Variants in CHADL observed in about 807,000 individuals in gnomAD.
CHADL encodes chondroadherin-like protein.
CHADL carries 48 observed loss-of-function variants against 52.1 expected under a neutral mutation model. The observed-to-expected ratio is 0.92, with a 90% CI of 0.73 to 1.17. The LOEUF (loss-of-function observed/expected upper bound fraction) is 1.17. Ranked by LOEUF, CHADL falls within the 50% of genes most tolerant of loss-of-function variation. CHADL has a pLI of 0.00. For synonymous variants in CHADL, 498 were observed against 511.2 expected, an observed-to-expected ratio of 0.97 and a Z score of 0.35; for missense variants, 977 against 1,035.1, an observed-to-expected ratio of 0.94 and a Z score of 0.77.
intron 5 of CHADL, among the ~76,000 whole-genome samples, chr22:41,233,690 C>G (rs1434860778): frequency 1.3e-5 from 2 of 152,208 alleles, no homozygotes; most frequent in African/African-American, 2.4e-5. Context: ...ACCTCAACGG[C>G]TGACCCCTAG....
Position 41,237,320 on chromosome 22 carries a change from C to G in CHADL, c.1752G>C (p.Val584=), listed in dbSNP as rs1569159118. ...GCAGCCCCTCCAAGGCCCCAGTGGGCACCTCTCGCAGCTGATTCCTGTCCA... is the reference window on the plus strand; with the variant it reads ...GCAGCCCCTCCAAGGCCCCAGTGGGGACCTCTCGCAGCTGATTCCTGTCCA... The part of the protein sequence containing the change: ...LHLDRNQLRE[V]PTGALEGLPA... The change falls in exon 3 of 6, where the codon GTG becomes GTC. Residue 584 remains valine (V), a synonymous_variant. Transcript: ENST00000216241. 1 of 1,550,552 alleles carries G rather than the reference C, an allele frequency of 6.4e-7. No homozygotes were observed. The highest frequency in any genetic ancestry group is 1.4e-5 in the African/African-American group (1 of 73,066).
Position 41,229,618 on chromosome 22 carries a change from G to GT in CHADL, c.*85dup, listed in dbSNP as rs1433714573. The GT allele has an allele frequency of 6.2e-7, 1 of 1,613,922 alleles. No individual in the cohort carries two copies. Among genetic ancestry groups the GT allele is most frequent in the African/African-American group, 1.3e-5 (1 of 75,054 alleles). On this transcript the variant is annotated 3_prime_UTR_variant, in exon 6 of 6. Transcript: ENST00000216241. ...CCCCTGCTGGAGGACGACCCTCAGG[G>GT]TGCCAGGAAGATCTCGTCGGAGCCT... is the stretch of plus-strand genomic sequence containing the variant.
At position 41,239,584 on chromosome 22, in the gene CHADL, C is replaced by T. The variant is rs1044719950; in HGVS notation, c.45G>A (p.Pro15=). Reference sequence around the variant, plus strand: ...GGGCCAGCAGCAGAAGTACAAGAAGCGGCAGCACCAAGGGGACATGGGTGG... The same window carrying T: ...GGGCCAGCAGCAGAAGTACAAGAAGTGGCAGCACCAAGGGGACATGGGTGG... The part of the protein sequence containing the change: ...RSSTHVPLVL[P]LLVLLLLAPA... The change falls in exon 2 of 6, where the codon CCG becomes CCA. Residue 15 remains proline (P), a synonymous_variant. Transcript: ENST00000216241. The T allele has an allele frequency of 1.2e-5, 18 of 1,546,092 alleles. No homozygotes were observed. The highest frequency in any genetic ancestry group is 4.1e-5 in the African/African-American group (3 of 72,816).
At chr22:41,233,951 C>T (rs1225840387) in intron 5 of CHADL, among the ~76,000 whole-genome samples, 2 of 152,154 alleles carry the variant, frequency 1.3e-5, no homozygotes, top group African/African-American at 4.8e-5. Flanking sequence ...TACGGGGGTG[C>T]CTGTATCTTG....
Position 41,238,490 on chromosome 22 carries a change from G to A in CHADL, c.582C>T (p.Leu194=). Residue 194 remains leucine (L), a synonymous_variant, in exon 3 of 6, where the codon CTC becomes CTT. Transcript: ENST00000216241. This position sits in a 1 kb window ranked among gnomAD's most constrained non-coding sequence, Gnocchi z 4.9. ...VRWLRLSHNA[L]SVLAPEALAG... ...CCAGGGCCTCGGGGGCCAGCACGCT[G>A]AGCGCGTTGTGCGACAGCCGCAGCC... 1 of 1,537,590 alleles carries A rather than the reference G, an allele frequency of 6.5e-7. No homozygotes were observed. The highest frequency in any genetic ancestry group is 8.7e-7 in the Non-Finnish European group (1 of 1,143,552).
At position 41,230,371 on chromosome 22, in the gene CHADL, C is replaced by T. The variant is rs73176646; in HGVS notation, c.2263-641G>A. On this transcript the variant is annotated intron_variant, in intron 5 of 5. Coordinates refer to ENST00000216241, the MANE Select transcript of CHADL (RefSeq NM_138481.2). ...TGATCCTCTCTGTGTAAATTCTGCC[C>T]GGTGCTGTGAAGGCTGGACGGTGGA... is the stretch of plus-strand genomic sequence containing the variant. 6.7e-3 allele frequency: 5,098 copies of T among 757,574 alleles called. 45 individuals carry two copies. The highest frequency in any genetic ancestry group is 9.6e-3 in the Non-Finnish European group (4,271 of 447,140). 46.9% of individuals were successfully genotyped at this position (757,574 alleles called of 1,614,324 possible). A position where few individuals can be genotyped will look rare whatever the true frequency, so the allele number is the denominator to read the frequency against.
chr22:41,238,759 C>A lies in CHADL; in HGVS notation c.313G>T (p.Ala105Ser). The A allele has an allele frequency of 1.9e-6, 3 of 1,549,128 alleles. No homozygotes were observed. The highest frequency in any genetic ancestry group is 2.6e-6 in the Non-Finnish European group (3 of 1,146,746). ...AGCAGGCGGCCCAGGCCACGGAAGG[C>A]GCCCTCGGCCACCAGCTCCACCTCG... Reference protein sequence around the residue: ...HCEVELVAEGAFRGLGRLLLL... With the variant: ...HCEVELVAEGSFRGLGRLLLL... Residue 105 changes from alanine to serine, a missense_variant, in exon 3 of 6, where the codon GCC (alanine) becomes TCC (serine). Transcript: ENST00000216241. The surrounding 1 kb of genome is among the most constrained non-coding windows in gnomAD (Gnocchi z 4.9).
intron 5 of CHADL, chr22:41,230,092 C>CCCCCCAA: frequency 1.0e-6 from 1 of 969,176 alleles, no homozygotes; most frequent in Non-Finnish European, 1.6e-6. Context: ...CCCACCCCTC[C>CCCCCCAA]CAGAGTTATT....
intron 5 of CHADL, chr22:41,230,124 C>G: frequency 5.2e-6 from 7 of 1,345,606 alleles, no homozygotes; most frequent in Non-Finnish European, 7.5e-6. Context: ...CCACCCGCCT[C>G]CCCTCCCTCT....
In CHADL at chr22:41,237,883, G is replaced by A. The variant is rs1190365900; in HGVS notation, c.1189C>T (p.Pro397Ser). The change falls in exon 3 of 6, where the codon CCT becomes TCT. Residue 397 changes from proline (P) to serine (S), a missense_variant. Physicochemically the swap from Pro to Ser is moderately conservative, Grantham distance 74 (BLOSUM62 -1). Coordinates refer to ENST00000216241, the MANE Select transcript of CHADL (RefSeq NM_138481.2). ...PGEERAVAPCPRACVCVPESR... is the reference protein window; with the variant it reads ...PGEERAVAPCSRACVCVPESR... The stretch of plus-strand genomic sequence containing the variant: ...TCGGGGACGCACACGCAGGCGCGAG[G>A]GCAAGGCGCGACTGCCCGCTCCTCC... 3 of 1,359,908 alleles carry A rather than the reference G, an allele frequency of 2.2e-6. No homozygotes were observed. The highest frequency in any genetic ancestry group is 2.8e-6 in the Non-Finnish European group (3 of 1,060,546). 84.2% of individuals were successfully genotyped at this position (1,359,908 alleles called of 1,614,324 possible).
intron 5 of CHADL, among the ~76,000 whole-genome samples, chr22:41,234,395 A>ATT (rs1555923443): frequency 1.3e-5 from 2 of 149,004 alleles, no homozygotes; most frequent in African/African-American, 4.9e-5. Flanking sequence ...TATTATTATT[A>ATT]TTATTGAGAC....
chr22:41,231,571 A>G (rs151067028), intron 5 of CHADL, among the ~76,000 whole-genome samples: 1 of 152,260 alleles, frequency 6.6e-6, no homozygotes, highest in Non-Finnish European at 1.5e-5. Flanking sequence ...GAATGTGCGC[A>G]TGACCACGTG....
intron 5 of CHADL, chr22:41,230,293 C>T (rs761614679): frequency 1.4e-5 from 20 of 1,442,408 alleles, no homozygotes; most frequent in Non-Finnish European, 1.8e-5. Context: ...GAAGCCAGCC[C>T]AGCGTTTCTC....
intron 5 of CHADL, among the ~76,000 whole-genome samples, chr22:41,231,889 A>G (rs2032602535): frequency 6.6e-6 from 1 of 152,130 alleles, no homozygotes; most frequent in South Asian, 2.1e-4. Flanking sequence ...AGGGAAAGGG[A>G]TGCAAGGGAA....
chr22:41,235,591 A>G (rs1034056881), intron 4 of CHADL, among the ~76,000 whole-genome samples: 6 of 152,206 alleles, frequency 3.9e-5, no homozygotes, highest in Admixed American at 2.6e-4. Flanking sequence ...CGGCTCACCA[A>G]TTATGTGACC....
In CHADL at chr22:41,238,044, CG is replaced by C; in HGVS notation, c.1027del (p.Arg343GlyfsTer90). ...DGACQGPRRL[R>X]GEALDALRPW... Reference sequence around the variant, plus strand: ...CCGCAGGGCGTCCAGAGCCTCGCCCCGCAGGCGCCGCGGCCCCTGGCACGCG... The same window carrying C: ...CCGCAGGGCGTCCAGAGCCTCGCCCCCAGGCGCCGCGGCCCCTGGCACGCG... On this transcript the variant is annotated frameshift_variant, in exon 3 of 6. Transcript: ENST00000216241. LOFTEE classifies it high-confidence loss of function. This position sits in a 1 kb window ranked among gnomAD's most constrained non-coding sequence, Gnocchi z 4.9. The C allele has an allele frequency of 7.9e-7, 1 of 1,273,216 alleles. No homozygotes were observed. Among genetic ancestry groups the C allele is most frequent in the Non-Finnish European group, 9.8e-7 (1 of 1,017,014 alleles). 78.9% of individuals were successfully genotyped at this position (1,273,216 alleles called of 1,614,324 possible).
intron 5 of CHADL, among the ~76,000 whole-genome samples, chr22:41,232,367 G>A (rs996315148): frequency 5.9e-5 from 9 of 151,938 alleles, no homozygotes; most frequent in Admixed American, 3.3e-4. Context: ...TGTAAAGGAT[G>A]GCAGTGGGGT....
At chr22:41,235,103 C>T (rs890125782) in intron 5 of CHADL, 42 bp downstream of exon 5, 1 of 1,540,098 alleles carries the variant, frequency 6.5e-7, no homozygotes, top group African/African-American at 1.4e-5. Context: ...GAACCTGGCC[C>T]ACCACCCACC....
chr22:41,230,078 C>CA lies in CHADL; in HGVS notation c.2263-349_2263-348insT. ...AGCCAGGTCCCTTTCCCAGCTCCTC[C>CA]GCCCCCACCCCTCCCAGAGTTATTT... On this transcript the variant is annotated intron_variant, in intron 5 of 5. Coordinates refer to ENST00000216241, the MANE Select transcript of CHADL (RefSeq NM_138481.2). 3.7e-6 allele frequency: 3 copies of CA among 821,650 alleles called. 1 individual carries two copies. The South Asian group carries it at 5.2e-5, about 14-fold the overall frequency. 50.9% of individuals were successfully genotyped at this position (821,650 alleles called of 1,614,324 possible). A position where few individuals can be genotyped will look rare whatever the true frequency, so the allele number is the denominator to read the frequency against.
Sources: gnomAD v4.1 joint callset for allele counts (sites outside exome capture counted in the v4.1 genomes callset) on GRCh38, gnomAD v4.1.1 for gene constraint, Gnocchi (gnomAD v3.1) non-coding constraint, MANE v1.5 for transcripts, NCBI Gene and HGNC (gene_info 2026-07-23, HGNC 2026-07-21) for gene names.